The following SGCD variants were observed in gnomAD, a reference collection of about 807,000 sequenced individuals.
SGCD encodes sarcoglycan delta.
SGCD carries 18 observed loss-of-function variants against 36.6 expected under a neutral mutation model. That is an observed-to-expected ratio of 0.49 (90% CI 0.34 to 0.73). The LOEUF is 0.73. SGCD is among the 30% of genes least tolerant of loss of function. The pLI, the probability that SGCD is intolerant of heterozygous loss-of-function variation, is 0.01. For synonymous variants in SGCD, 133 were observed against 130.6 expected, an observed-to-expected ratio of 1.02 and a Z score of -0.12; for missense variants, 387 against 346.7, an observed-to-expected ratio of 1.12 and a Z score of -0.92.
intron 1 of SGCD, among the ~76,000 whole-genome samples, chr5:155,891,477 G>C (rs1756127415): frequency 6.8e-6 from 1 of 146,310 alleles, no homozygotes; most frequent in Non-Finnish European, 1.5e-5. Flanking sequence ...ATTAACTCCT[G>C]CTTTTTTCTT....
intron 1 of SGCD, among the ~76,000 whole-genome samples, chr5:156,113,816 A>C (rs1435394567): frequency 6.6e-6 from 1 of 152,192 alleles, no homozygotes; most frequent in Non-Finnish European, 1.5e-5. Context: ...GTACAATGGA[A>C]TATTATTCTG....
At chr5:156,120,795 A>G (rs1581110965) in intron 2 of SGCD, among the ~76,000 whole-genome samples, 1 of 152,180 alleles carries the variant, frequency 6.6e-6, no homozygotes, top group African/African-American at 2.4e-5. Flanking sequence ...ACTTGAGACT[A>G]GAATTATCAA....
the SGCD span, among the ~76,000 whole-genome samples, chr5:155,769,987 C>A: frequency 6.6e-6 from 1 of 152,008 alleles, no homozygotes; most frequent in African/African-American, 2.4e-5. Flanking sequence ...ACTTGCTTCT[C>A]CATTTTTTTT....
intron 1 of SGCD, among the ~76,000 whole-genome samples, chr5:156,046,119 G>A (rs1202314792): frequency 1.3e-5 from 2 of 152,202 alleles, no homozygotes; most frequent in East Asian, 3.9e-4. Context: ...GGCTTGGGGA[G>A]TCCATTTTGC....
chr5:156,267,512 G>T (rs755636189), intron 3 of SGCD, among the ~76,000 whole-genome samples: 1 of 152,154 alleles, frequency 6.6e-6, no homozygotes, highest in Non-Finnish European at 1.5e-5. Flanking sequence ...GCTTTCTAGC[G>T]GTTTTTCGGA....
intron 3 of SGCD, among the ~76,000 whole-genome samples, chr5:156,361,123 C>T (rs1168802307): frequency 6.6e-6 from 1 of 152,200 alleles, no homozygotes; most frequent in African/African-American, 2.4e-5. Flanking sequence ...GGAGCTTGCT[C>T]CTGCTGGAGC....
chr5:156,664,654 AC>A (rs1398190760), intron 7 of SGCD, among the ~76,000 whole-genome samples: 1 of 65,170 alleles, frequency 1.5e-5, no homozygotes, highest in Non-Finnish European at 2.8e-5. Context: ...CTGTTCTTGT[AC>A]CCCATCAATC....
chr5:156,153,550 G>T (rs1762877008), intron 3 of SGCD, among the ~76,000 whole-genome samples: 1 of 151,624 alleles, frequency 6.6e-6, no homozygotes, highest in African/African-American at 2.4e-5. Flanking sequence ...ACATTGAATA[G>T]ACTTGAGAGC....
chr5:156,386,609 A>G (rs548009948), intron 3 of SGCD, among the ~76,000 whole-genome samples: 2 of 152,392 alleles, frequency 1.3e-5, no homozygotes, highest in East Asian at 3.9e-4. Flanking sequence ...CGATGCCGCC[A>G]TATATCTTAA....
chr5:156,457,478 G>A (rs114961308), intron 3 of SGCD, among the ~76,000 whole-genome samples: 2,955 of 152,282 alleles, frequency 0.019, 33 homozygotes, highest in Non-Finnish European at 0.032. Flanking sequence ...ATTCAAAAAT[G>A]TATCAAATAT....
At chr5:156,026,994 T>C (rs2127574671) in intron 1 of SGCD, among the ~76,000 whole-genome samples, 1 of 152,346 alleles carries the variant, frequency 6.6e-6, no homozygotes, top group African/African-American at 2.4e-5. Context: ...CAGGCAGGAC[T>C]TGGTCTATAG....
intron 4 of SGCD, among the ~76,000 whole-genome samples, chr5:156,534,737 A>G (rs1758027043): frequency 6.6e-6 from 1 of 152,194 alleles, no homozygotes; most frequent in South Asian, 2.1e-4. Flanking sequence ...ATTACCTGAC[A>G]TCTTAGTACT....
At chr5:156,182,864 A>G (rs933885055) in intron 3 of SGCD, among the ~76,000 whole-genome samples, 5 of 152,230 alleles carry the variant, frequency 3.3e-5, no homozygotes, top group African/African-American at 1.2e-4. Flanking sequence ...GAACACTTGT[A>G]CATTTTCACT....
chr5:156,663,769 TA>T (rs1402596597), intron 7 of SGCD, among the ~76,000 whole-genome samples: 16 of 146,770 alleles, frequency 1.1e-4, no homozygotes, highest in African/African-American at 4.2e-4. Flanking sequence ...GTATAGTACA[TA>T]AATCTACTGC....
At chr5:156,523,126 G>GCCCCA (rs1317178023) in intron 4 of SGCD, among the ~76,000 whole-genome samples, 14 of 152,012 alleles carry the variant, frequency 9.2e-5, no homozygotes, top group Non-Finnish European at 1.5e-4. Flanking sequence ...TACTGATTGG[G>GCCCCA]GCACTAAGGC....
chr5:156,746,703 AAATT>A (rs1188957162), intron 7 of SGCD, among the ~76,000 whole-genome samples: 1 of 152,238 alleles, frequency 6.6e-6, no homozygotes, highest in African/African-American at 2.4e-5. Flanking sequence ...CTATTCTTAA[AAATT>A]AATTCAAGAT....
chr5:156,489,454 C>T (rs1350776862), intron 3 of SGCD, among the ~76,000 whole-genome samples: 2 of 151,936 alleles, frequency 1.3e-5, no homozygotes, highest in Non-Finnish European at 2.9e-5. Flanking sequence ...GAACATTATC[C>T]AGGATAGACC....
rs10529406 is a variant in SGCD at position 156,406,018 on chromosome 5, T to TAAAAAAAAA, written c.192+61349_192+61357dup. Among the ~76,000 whole-genome samples, 98 of 103,960 alleles carry TAAAAAAAAA rather than the reference T, an allele frequency of 9.4e-4. 3 individuals are homozygous for TAAAAAAAAA. The highest frequency in any genetic ancestry group is 3.5e-3 in the African/African-American group (86 of 24,452). 68.2% of individuals were successfully genotyped at this position (103,960 alleles called of 152,430 possible). ...TGCTGTATTTGGCCCTATCTTTGCT[T>TAAAAAAAAA]AAAAAAAAAAAAAAAAGGCCTCTGG... is the stretch of plus-strand genomic sequence containing the variant. On this transcript the variant is annotated intron_variant, in intron 3 of 8. Transcript: ENST00000337851.
chr5:156,689,354 G>T (rs757311520), intron 7 of SGCD, among the ~76,000 whole-genome samples: 1 of 152,146 alleles, frequency 6.6e-6, no homozygotes, highest in Non-Finnish European at 1.5e-5. Context: ...GCCTTCTGAT[G>T]CAAGGCACAT....
Sources: gnomAD v4.1 joint callset for allele counts (sites outside exome capture counted in the v4.1 genomes callset) on GRCh38, gnomAD v4.1.1 for gene constraint, MANE v1.5 for transcripts, NCBI Gene and HGNC (gene_info 2026-07-23, HGNC 2026-07-21) for gene names.